The following UGT1A3 variants were observed in gnomAD, a reference collection of about 807,000 sequenced individuals.
UGT1A3 encodes UDP-glucuronosyltransferase 1A3.
A neutral mutation model predicts 41.0 loss-of-function variants in UGT1A3; 31 were observed. The ratio of observed to expected loss-of-function variants is 0.76; its 90% confidence interval spans 0.57 to 1.02. The LOEUF is 1.02. Among genes scored for constraint, UGT1A3 ranks in the 50% least tolerant of loss-of-function variants. UGT1A3 has a pLI of 0.00. For missense variants in UGT1A3, 737 were observed against 671.0 expected, an observed-to-expected ratio of 1.10 and a Z score of -1.09; for synonymous variants, 262 against 257.6, an observed-to-expected ratio of 1.02 and a Z score of -0.17.
At position 233,761,028 on chromosome 2, in the gene UGT1A3, A is replaced by G. The variant is rs1400753834; in HGVS notation, c.868-6006A>G. The G allele has an allele frequency of 9.3e-6, 15 of 1,614,144 alleles. No individual in the cohort carries two copies. Among genetic ancestry groups the G allele is most frequent in the Non-Finnish European group, 1.3e-5 (15 of 1,180,012 alleles). Reference sequence around the variant, plus strand: ...AGAGAGAGGTGACTGTCCAGGACCTATTGAGCTCTGCATCTGTCTGGCTGT... The same window carrying G: ...AGAGAGAGGTGACTGTCCAGGACCTGTTGAGCTCTGCATCTGTCTGGCTGT... On this transcript the variant is annotated intron_variant, in intron 1 of 4. Transcript: ENST00000482026.
Position 233,763,798 on chromosome 2 carries a change from A to G in UGT1A3, c.868-3236A>G, listed in dbSNP as rs551390932. ...GAACAACATTGGGAGAAAAGGAATG[A>G]AACTCAAGAATTCCAAGATGTTCCT... On this transcript the variant is annotated intron_variant, in intron 1 of 4. Coordinates refer to ENST00000482026, the MANE Select transcript of UGT1A3 (RefSeq NM_019093.4). Among the ~76,000 whole-genome samples, 8 of 152,368 alleles carry G rather than the reference A, an allele frequency of 5.3e-5. No individual in the cohort carries two copies. The South Asian group carries it at 1.0e-3, about 20-fold the overall frequency.
intron 1 of UGT1A3, among the ~76,000 whole-genome samples, chr2:233,750,359 T>C (rs1390894315): frequency 6.6e-6 from 1 of 151,860 alleles, no homozygotes; most frequent in Non-Finnish European, 1.5e-5. Context: ...AACTTATGTT[T>C]AAAAGGGAAG....
At position 233,772,420 on chromosome 2, in the gene UGT1A3, C is replaced by G. The variant is rs72551360; in HGVS notation, c.1466C>G (p.Ser489Cys). Residue 489 changes from serine (S) to cysteine (C), a missense_variant, in exon 5 of 5, where the codon TCC becomes TGC. Ser to Cys is a moderately radical substitution (Grantham distance 112, BLOSUM62 -1). Coordinates refer to ENST00000482026, the MANE Select transcript of UGT1A3 (RefSeq NM_019093.4). ...GACCTCACCTGGTACCAGTACCATTCCTTGGACGTGATTGGTTTCCTCTTG... is the reference window on the plus strand; with the variant it reads ...GACCTCACCTGGTACCAGTACCATTGCTTGGACGTGATTGGTTTCCTCTTG... ...AHDLTWYQYH[S>C]LDVIGFLLAV... is the part of the protein sequence containing the mutation. The G allele has an allele frequency of 1.2e-6, 2 of 1,614,120 alleles. No homozygotes were observed. Among genetic ancestry groups the G allele is most frequent in the African/African-American group, 2.7e-5 (2 of 74,942 alleles).
intron 4 of UGT1A3, 140 bp downstream of exon 4, chr2:233,768,579 C>CT: frequency 4.3e-6 from 4 of 934,844 alleles, no homozygotes; most frequent in Admixed American, 8.5e-5. Context: ...ATTTTTATTT[C>CT]TTCTTTTTTT....
In UGT1A3 at chr2:233,745,829, T is replaced by C. The variant is rs1012358577; in HGVS notation, c.867+15836T>C. Among the ~76,000 whole-genome samples, 18 of 151,294 alleles carry C rather than the reference T, an allele frequency of 1.2e-4. 1 individual carries two copies. The highest frequency in any genetic ancestry group is 4.2e-4 in the African/African-American group (17 of 40,760). Reference sequence around the variant, plus strand: ...GAGTTTTGAGAGCAAGGCAGAGGACTCTGAATTTTCTTCTGTGCCCAGGAA... The same window carrying C: ...GAGTTTTGAGAGCAAGGCAGAGGACCCTGAATTTTCTTCTGTGCCCAGGAA... On this transcript the variant is annotated intron_variant, in intron 1 of 4. Coordinates refer to ENST00000482026, the MANE Select transcript of UGT1A3 (RefSeq NM_019093.4).
Position 233,772,452 on chromosome 2 carries a change from G to A in UGT1A3, c.1498G>A (p.Val500Met), listed in dbSNP as rs199723856. 1.2e-4 allele frequency: 186 copies of A among 1,614,176 alleles called. No homozygotes were observed. The highest frequency in any genetic ancestry group is 1.5e-4 in the Non-Finnish European group (177 of 1,180,044). The change falls in exon 5 of 5, where the codon GTG becomes ATG. Residue 500 changes from valine (V) to methionine (M), a missense_variant. Physicochemically the swap from Val to Met is conservative, Grantham distance 21 (BLOSUM62 1). Transcript: ENST00000482026. The stretch of plus-strand genomic sequence containing the variant: ...CGTGATTGGTTTCCTCTTGGCCGTC[G>A]TGCTGACAGTGGCCTTCATCACCTT... ...LDVIGFLLAV[V>M]LTVAFITFKC...
In UGT1A3 at chr2:233,767,042, AGCCTACATTAAT is replaced by A; in HGVS notation, c.879_890del (p.Tyr294_Ala297del). The A allele has an allele frequency of 6.2e-7, 1 of 1,614,104 alleles. No individual in the cohort carries two copies. The highest frequency in any genetic ancestry group is 8.5e-7 in the Non-Finnish European group (1 of 1,179,998). ...TTTTCTTCTGGCTCTAGGAATTTGA[AGCCTACATTAAT>A]GCTTCTGGAGAACATGGAATTGTGG... On this transcript the variant is annotated inframe_deletion, in exon 2 of 5. Coordinates refer to ENST00000482026, the MANE Select transcript of UGT1A3 (RefSeq NM_019093.4).
At chr2:233,755,199 C>A (rs1448845057) in intron 1 of UGT1A3, 6 of 1,106,350 alleles carry the variant, frequency 5.4e-6, no homozygotes, top group South Asian at 1.2e-5. Flanking sequence ...CGCCAGCTTG[C>A]GGTACGCCTT....
chr2:233,766,580 G>A (rs1699191238), intron 1 of UGT1A3, among the ~76,000 whole-genome samples: 1 of 152,180 alleles, frequency 6.6e-6, no homozygotes, highest in Admixed American at 6.5e-5. Context: ...AGGTCTGGGG[G>A]TGGAGCCCTC....
chr2:233,761,403 A>G (rs1379452016), intron 1 of UGT1A3, among the ~76,000 whole-genome samples: 2 of 152,210 alleles, frequency 1.3e-5, no homozygotes, highest in Non-Finnish European at 2.9e-5. Context: ...ATAGTAATCA[A>G]TTAGAAACAA....
Position 233,767,084 on chromosome 2 carries a change from C to G in UGT1A3, c.918C>G (p.Phe306Leu). 6.2e-7 allele frequency: 1 copy of G among 1,614,120 alleles called. No homozygotes were observed. Among genetic ancestry groups the G allele is most frequent in the Non-Finnish European group, 8.5e-7 (1 of 1,180,022 alleles). The change falls in exon 2 of 5, where the codon TTC becomes TTG. Residue 306 changes from phenylalanine (F) to leucine (L), a missense_variant. Transcript: ENST00000482026. ...NASGEHGIVV[F>L]SLGSMVSEIP... ...CTGGAGAACATGGAATTGTGGTTTT[C>G]TCTTTGGGATCAATGGTCTCAGAAA...
rs143500969 is a variant in UGT1A3, at chr2:233,729,300, A to G, written c.174A>G (p.Ala58=). The G allele has an allele frequency of 9.7e-5, 156 of 1,614,266 alleles. No individual in the cohort carries two copies. The highest frequency in any genetic ancestry group is 1.6e-4 in the East Asian group (7 of 44,886). ...LRELHARGHQ[A]VVLTPEVNMH... is the part of the protein sequence containing the mutation. ...AGCTCCATGCCAGAGGCCACCAGGC[A>G]GTGGTCCTCACCCCAGAGGTGAATA... Residue 58 remains alanine (A), a synonymous_variant, in exon 1 of 5, where the codon GCA becomes GCG. Coordinates refer to ENST00000482026, the MANE Select transcript of UGT1A3 (RefSeq NM_019093.4).
chr2:233,745,242 T>C (rs1693050473), intron 1 of UGT1A3, among the ~76,000 whole-genome samples: 11 of 151,840 alleles, frequency 7.2e-5, no homozygotes, highest in Admixed American at 7.2e-4. Context: ...CTATTTACTG[T>C]ATCGAAACCA....
At position 233,729,508 on chromosome 2, in the gene UGT1A3, T is replaced by G; in HGVS notation, c.382T>G (p.Cys128Gly). Residue 128 changes from cysteine to glycine, a missense_variant, in exon 1 of 5, where the codon TGT (cysteine) becomes GGT (glycine). Physicochemically the swap from Cys to Gly is radical, Grantham distance 159. Coordinates refer to ENST00000482026, the MANE Select transcript of UGT1A3 (RefSeq NM_019093.4). ...NNMSLVYHRS[C>G]VELLHNEALI... is the part of the protein sequence containing the mutation. ...TATGTCTTTGGTCTATCATAGGTCT[T>G]GTGTGGAGCTACTACATAATGAGGC... 2 of 1,614,204 alleles carry G rather than the reference T, an allele frequency of 1.2e-6. No homozygotes were observed.
chr2:233,749,426 C>T (rs1034149432), intron 1 of UGT1A3, among the ~76,000 whole-genome samples: 2 of 151,878 alleles, frequency 1.3e-5, no homozygotes, highest in African/African-American at 4.9e-5. Flanking sequence ...TTGCTCAAAA[C>T]TTCACTGTCA....
chr2:233,746,345 T>C (rs887408714), intron 1 of UGT1A3, among the ~76,000 whole-genome samples: 14 of 151,796 alleles, frequency 9.2e-5, no homozygotes, highest in African/African-American at 1.7e-4. Context: ...GACATGTTTA[T>C]GTTGCTCCTT....
At chr2:233,742,045 T>C (rs1691854275) in intron 1 of UGT1A3, 1 of 151,932 alleles carries the variant, frequency 6.6e-6, no homozygotes, top group South Asian at 2.1e-4. Context: ...AGCATAGCAA[T>C]AGGATAGTTC....
chr2:233,762,045 A>G (rs187851388), intron 1 of UGT1A3, among the ~76,000 whole-genome samples: 1 of 151,958 alleles, frequency 6.6e-6, no homozygotes, highest in African/African-American at 2.4e-5. Flanking sequence ...TTTTCTGTGC[A>G]TTTTCCTTCA....
In UGT1A3 at chr2:233,754,967, C is replaced by T. The variant is rs562774815; in HGVS notation, c.868-12067C>T. ...ATGGGTCCCGGCCGCCAAAGAACTC[C>T]CTGAAGACCTCGGCGGGGTCACGGA... On this transcript the variant is annotated intron_variant, in intron 1 of 4. Coordinates refer to ENST00000482026, the MANE Select transcript of UGT1A3 (RefSeq NM_019093.4). 6 of 1,302,806 alleles carry T rather than the reference C, an allele frequency of 4.6e-6. No homozygotes were observed. In the African/African-American group the frequency reaches 7.5e-5, roughly 16 times the overall value. 80.7% of individuals were successfully genotyped at this position (1,302,806 alleles called of 1,614,324 possible). A position where few individuals can be genotyped will look rare whatever the true frequency, so the allele number is the denominator to read the frequency against.
Sources: gnomAD v4.1 joint callset for allele counts (sites outside exome capture counted in the v4.1 genomes callset) on GRCh38, gnomAD v4.1.1 for gene constraint, MANE v1.5 for transcripts, NCBI Gene and HGNC (gene_info 2026-07-23, HGNC 2026-07-21) for gene names.